Variants in GRID2 observed in about 807,000 individuals in gnomAD.
GRID2 encodes glutamate ionotropic receptor delta type subunit 2.
In GRID2, 33 loss-of-function variants were observed where a neutral mutation model predicts 114.8. The ratio of observed to expected loss-of-function variants is 0.29; its 90% CI spans 0.22 to 0.38. GRID2 has a LOEUF of 0.38. Ranked by LOEUF, GRID2 falls within the 10% of genes least tolerant of loss-of-function variation. The pLI, the probability that GRID2 is intolerant of heterozygous loss-of-function variation, is 1.00. For missense variants in GRID2, 1,184 were observed against 1,257.7 expected (o/e 0.94, Z 0.89); for synonymous variants, 505 against 449.9 (o/e 1.12, Z -1.55).
At chr4:93,237,523 A>G (rs1746938399) in intron 7 of GRID2, among the ~76,000 whole-genome samples, 1 of 151,906 alleles carries the variant, frequency 6.6e-6, no homozygotes, top group South Asian at 2.1e-4. Flanking sequence ...AATTTACAAA[A>G]CTGAGATCAT....
At chr4:93,067,083 T>A (rs748941037) in intron 2 of GRID2, among the ~76,000 whole-genome samples, 1 of 151,952 alleles carries the variant, frequency 6.6e-6, no homozygotes, top group Non-Finnish European at 1.5e-5. Flanking sequence ...CATGGTTGAC[T>A]CCAGGTAACT....
chr4:92,533,482 T>TACAC (rs1553946625), intron 1 of GRID2, among the ~76,000 whole-genome samples: 40 of 147,226 alleles, frequency 2.7e-4, no homozygotes, highest in African/African-American at 4.9e-4. Context: ...CATACATACA[T>TACAC]ACACACACAG....
chr4:93,512,425 T>C (rs1272114359), intron 12 of GRID2, among the ~76,000 whole-genome samples: 1 of 152,196 alleles, frequency 6.6e-6, no homozygotes, highest in East Asian at 1.9e-4. Context: ...CCTTTCTATT[T>C]TGGGCTCCTG....
At chr4:92,477,276 G>T (rs1164727564) in intron 1 of GRID2, among the ~76,000 whole-genome samples, 1 of 151,932 alleles carries the variant, frequency 6.6e-6, no homozygotes, top group Admixed American at 6.6e-5. Flanking sequence ...GATATTTAAG[G>T]TCTCAATGGT....
chr4:92,328,751 G>A (rs538770830), intron 1 of GRID2, among the ~76,000 whole-genome samples: 2 of 152,048 alleles, frequency 1.3e-5, no homozygotes, highest in South Asian at 2.1e-4. Context: ...TTGGGTGTTC[G>A]GAATAAATTT....
intron 2 of GRID2, among the ~76,000 whole-genome samples, chr4:92,663,483 G>A (rs1458604128): frequency 6.6e-6 from 1 of 151,186 alleles, no homozygotes; most frequent in Non-Finnish European, 1.5e-5. Flanking sequence ...TATACTATAA[G>A]TGAATTATCA....
intron 8 of GRID2, among the ~76,000 whole-genome samples, chr4:93,348,161 C>T (rs535889246): frequency 3.9e-5 from 6 of 152,194 alleles, no homozygotes; most frequent in Non-Finnish European, 8.8e-5. Flanking sequence ...AATTTTCTAA[C>T]CATATATCTA....
intron 2 of GRID2, among the ~76,000 whole-genome samples, chr4:92,841,465 G>C (rs1742890134): frequency 6.6e-6 from 1 of 151,986 alleles, no homozygotes; most frequent in Non-Finnish European, 1.5e-5. Flanking sequence ...TTATTAGATT[G>C]TTTTATTTCC....
chr4:92,869,044 A>C (rs1049234159), intron 2 of GRID2, among the ~76,000 whole-genome samples: 2 of 152,086 alleles, frequency 1.3e-5, no homozygotes, highest in Non-Finnish European at 2.9e-5. Flanking sequence ...ATTACTTTTA[A>C]TTTTGTATAA....
At chr4:92,412,397 TCAC>T (rs1731382043) in intron 1 of GRID2, among the ~76,000 whole-genome samples, 2 of 152,056 alleles carry the variant, frequency 1.3e-5, no homozygotes, top group Non-Finnish European at 2.9e-5. Context: ...TTTTTCTGAA[TCAC>T]CTATTCCTAG....
At chr4:92,906,799 TC>T (rs1162037232) in intron 2 of GRID2, among the ~76,000 whole-genome samples, 1 of 152,014 alleles carries the variant, frequency 6.6e-6, no homozygotes, top group Non-Finnish European at 1.5e-5. Flanking sequence ...TTAAGCCTTT[TC>T]CCCTAGAACA....
At chr4:92,860,054 A>C (rs1041618557) in intron 2 of GRID2, among the ~76,000 whole-genome samples, 4 of 152,208 alleles carry the variant, frequency 2.6e-5, no homozygotes, top group Admixed American at 6.5e-5. Flanking sequence ...TTAGTACTTC[A>C]CAAATATCAT....
At chr4:92,414,035 A>G (rs112046112) in intron 1 of GRID2, among the ~76,000 whole-genome samples, 55 of 152,320 alleles carry the variant, frequency 3.6e-4, no homozygotes, top group African/African-American at 1.3e-3. Context: ...TGGGAATAAT[A>G]TATTGTTTGG....
chr4:93,382,356 T>C (rs1462479417), intron 8 of GRID2, among the ~76,000 whole-genome samples: 2 of 152,108 alleles, frequency 1.3e-5, no homozygotes, highest in Admixed American at 6.6e-5. Context: ...ATGGACTCCA[T>C]AATGCATCTG....
intron 11 of GRID2, among the ~76,000 whole-genome samples, chr4:93,471,466 G>A (rs1193822300): frequency 6.6e-6 from 1 of 151,992 alleles, no homozygotes; most frequent in African/African-American, 2.4e-5. Context: ...TGAGGGGTCT[G>A]AAGACTCAAA....
chr4:93,091,706 T>G (rs1199433362), intron 3 of GRID2, among the ~76,000 whole-genome samples: 1 of 152,084 alleles, frequency 6.6e-6, no homozygotes, highest in Non-Finnish European at 1.5e-5. Context: ...TTTATAAAAC[T>G]TACAGAGACT....
At chr4:92,943,832 G>C (rs1751376420) in intron 2 of GRID2, among the ~76,000 whole-genome samples, 1 of 152,208 alleles carries the variant, frequency 6.6e-6, no homozygotes, top group Non-Finnish European at 1.5e-5. Context: ...GTTGGAGTTT[G>C]CTGGAGGTCC....
chr4:92,990,476 A>G (rs1437992413), intron 2 of GRID2, among the ~76,000 whole-genome samples: 1 of 151,358 alleles, frequency 6.6e-6, no homozygotes, highest in Admixed American at 6.6e-5. Flanking sequence ...CATCCTACTA[A>G]TTTTTGTATT....
At chr4:92,839,038 G>C (rs570349398) in intron 2 of GRID2, among the ~76,000 whole-genome samples, 1 of 152,016 alleles carries the variant, frequency 6.6e-6, no homozygotes, top group South Asian at 2.1e-4. Context: ...TCTGGCCAGC[G>C]TCCTGCTTAT....
Sources: gnomAD v4.1 joint callset for allele counts (sites outside exome capture counted in the v4.1 genomes callset) on GRCh38, gnomAD v4.1.1 for gene constraint, MANE v1.5 for transcripts, NCBI Gene and HGNC (gene_info 2026-07-23, HGNC 2026-07-21) for gene names.